The following EVL variants were observed in gnomAD, a reference collection of about 807,000 sequenced individuals.
EVL encodes Enah/Vasp-like, also known as ena/VASP-like protein.
EVL carries 21 observed loss-of-function variants against 59.6 expected under a neutral mutation model. The ratio of observed to expected loss-of-function variants is 0.35; its 90% CI spans 0.25 to 0.51. EVL has a LOEUF of 0.51. Among genes scored for constraint, EVL ranks in the 20% least tolerant of loss-of-function variants. The pLI is 0.97. For missense variants in EVL, 462 were observed against 546.6 expected, an observed-to-expected ratio of 0.85 and a Z score of 1.54; for synonymous variants, 198 against 203.5, an observed-to-expected ratio of 0.97 and a Z score of 0.23.
At chr14:99,976,188 A>ATT (rs1359137983) in intron 1 of EVL, among the ~76,000 whole-genome samples, 2 of 80,484 alleles carry the variant, frequency 2.5e-5, no homozygotes, top group African/African-American at 1.3e-4. Context: ...GCTTTTATTT[A>ATT]TTTATTTATT....
At chr14:100,086,530 C>T (rs576358057) in intron 2 of EVL, among the ~76,000 whole-genome samples, 207 of 152,276 alleles carry the variant, frequency 1.4e-3, no homozygotes, top group Non-Finnish European at 2.4e-3. Flanking sequence ...CCCTCCAGGG[C>T]GTAGTAGGAA....
rs145597758 is a variant in EVL, at chr14:100,086,993, G to C, written c.180+2138G>C. The stretch of plus-strand genomic sequence containing the variant: ...ACTGATTTTCACAGATTTGGTTTTA[G>C]TCCGTGTGGGCTACCACCTTAAAGT... On this transcript the variant is annotated intron_variant, in intron 2 of 13. Transcript: ENST00000392920. 3.2e-3 allele frequency among the ~76,000 whole-genome samples: 489 copies of C among 152,340 alleles called. 5 individuals carry two copies. Among genetic ancestry groups the C allele is most frequent in the Admixed American group, 0.011 (171 of 15,302 alleles).
At chr14:100,059,566 G>A (rs1315229315) in intron 1 of EVL, among the ~76,000 whole-genome samples, 1 of 152,198 alleles carries the variant, frequency 6.6e-6, no homozygotes, top group Non-Finnish European at 1.5e-5. Context: ...CTGCTGTAGG[G>A]CTGAGAGCTG....
rs555604210 is a variant in EVL, at chr14:100,100,163, C to T, written c.358+2505C>T. On this transcript the variant is annotated intron_variant, in intron 3 of 13. Coordinates refer to ENST00000392920, the MANE Select transcript of EVL (RefSeq NM_016337.3). ...GCCGCATTATGAGGAAACAACTTCT[C>T]GTTGTCAGATAGTAAGATCCAGAAC... 3.3e-5 allele frequency among the ~76,000 whole-genome samples: 5 copies of T among 152,216 alleles called. No homozygotes were observed. In the South Asian group the frequency reaches 8.3e-4, roughly 25 times the overall value.
intron 2 of EVL, among the ~76,000 whole-genome samples, chr14:100,093,434 C>T (rs973405477): frequency 2.6e-5 from 4 of 152,196 alleles, no homozygotes; most frequent in East Asian, 1.9e-4. Context: ...AACCCTCTGA[C>T]GTAAAACCCT....
chr14:100,054,281 C>T (rs995183693), intron 1 of EVL, among the ~76,000 whole-genome samples: 2 of 151,974 alleles, frequency 1.3e-5, no homozygotes, highest in African/African-American at 4.8e-5. Context: ...TCTCGATCTT[C>T]TGACCTCATG....
intron 9 of EVL, 131 bp downstream of exon 9, chr14:100,136,099 C>A: frequency 1.9e-6 from 2 of 1,058,296 alleles, no homozygotes; most frequent in Non-Finnish European, 2.8e-6. Flanking sequence ...ACAGGGAAGC[C>A]CATTTCTTAT....
Position 99,988,420 on chromosome 14 carries a change from G to A in EVL, c.5+16363G>A, listed in dbSNP as rs114120984. ...TAATAACAAATGTTGGTGAGGATGA[G>A]GATAACCCTTACACATTGGGAATGT... On this transcript the variant is annotated intron_variant, in intron 1 of 13. Transcript: ENST00000402714. Among the ~76,000 whole-genome samples the A allele has an allele frequency of 1.3e-3, 198 of 152,328 alleles. 2 individuals are homozygous for A. The highest frequency in any genetic ancestry group is 4.4e-3 in the African/African-American group (185 of 41,580).
At chr14:100,039,506 G>T (rs1265028014) in intron 1 of EVL, among the ~76,000 whole-genome samples, 1 of 152,116 alleles carries the variant, frequency 6.6e-6, no homozygotes, top group African/African-American at 2.4e-5. Context: ...CAAAGTGCTG[G>T]GATTACAGGC....
intron 1 of EVL, among the ~76,000 whole-genome samples, chr14:100,045,735 C>T (rs1018594290): frequency 2.0e-5 from 3 of 152,184 alleles, no homozygotes; most frequent in Non-Finnish European, 2.9e-5. Flanking sequence ...CTCTGTCCTG[C>T]CCTGGGCAGA....
At chr14:100,054,901 A>C (rs569929266) in intron 1 of EVL, among the ~76,000 whole-genome samples, 116 of 152,288 alleles carry the variant, frequency 7.6e-4, no homozygotes, top group Middle Eastern at 3.4e-3. Context: ...AGCCTGTGAC[A>C]ACCACTAATC....
intron 1 of EVL, among the ~76,000 whole-genome samples, chr14:99,982,357 G>A (rs74084701): frequency 2.0e-3 from 304 of 152,180 alleles, no homozygotes; most frequent in African/African-American, 6.3e-3. Flanking sequence ...TAATTTATTC[G>A]TAATATATAT....
chr14:100,115,821 G>A lies in EVL; in HGVS notation c.359-7718G>A, dbSNP rs528895115. On this transcript the variant is annotated intron_variant, in intron 3 of 13. Transcript: ENST00000392920. ...GCAAGCAACTAAGCTGTCTAAGCTC[G>A]TGTTAGAATGGGGAGGGTGACAATC... 6.0e-4 allele frequency among the ~76,000 whole-genome samples: 92 copies of A among 152,362 alleles called. 1 individual carries two copies. Among genetic ancestry groups the A allele is most frequent in the Non-Finnish European group, 1.1e-3 (73 of 68,038 alleles).
Position 100,137,580 on chromosome 14 carries a change from G to T in EVL, c.967G>T (p.Ala323Ser). ...TCATCCATGAAATGAACTGACAGAG[G>T]CTGGCCGGAAGCCCTGGGAGCGGAG... ...AASQPPNSSE[A>S]GRKPWERSNS... Residue 323 changes from alanine (A) to serine (S), a missense_variant and splice_region_variant, in exon 10 of 14, where the codon GCT becomes TCT. Ala to Ser is a moderately conservative substitution (Grantham distance 99). Transcript: ENST00000392920. 6.2e-7 allele frequency: 1 copy of T among 1,613,902 alleles called. No homozygotes were observed. The highest frequency in any genetic ancestry group is 8.5e-7 in the Non-Finnish European group (1 of 1,180,024).
intron 11 of EVL, chr14:100,138,326 GT>G (rs1391873473): frequency 1.3e-5 from 2 of 158,462 alleles, no homozygotes. Context: ...CACAGAATCA[GT>G]TTCCCCACAG....
In EVL at chr14:100,123,536, C is replaced by G; in HGVS notation, c.359-3C>G. The G allele has an allele frequency of 6.2e-7, 1 of 1,614,048 alleles. No individual in the cohort carries two copies. Among genetic ancestry groups the G allele is most frequent in the Non-Finnish European group, 8.5e-7 (1 of 1,179,944 alleles). On this transcript the variant is annotated splice_polypyrimidine_tract_variant and splice_region_variant and intron_variant, in intron 3 of 13. Transcript: ENST00000392920. Reference sequence around the variant, plus strand: ...CACTGTTTCTGTGCTTCTCTGCCCACAGGCCCCTCCAGCCAGCGTCAGGTG... The same window carrying G: ...CACTGTTTCTGTGCTTCTCTGCCCAGAGGCCCCTCCAGCCAGCGTCAGGTG...
rs530933762 is a variant in EVL, at chr14:100,116,126, G to A, written c.359-7413G>A. On this transcript the variant is annotated intron_variant, in intron 3 of 13. Transcript: ENST00000392920. ...TCCATTCTCGCTTAGACACTTGCTC[G>A]CTTGGTGATAGGAATGGCACCTGTG... Among the ~76,000 whole-genome samples the A allele has an allele frequency of 4.6e-5, 7 of 152,320 alleles. No individual in the cohort carries two copies. In the East Asian group the frequency reaches 7.7e-4, roughly 17 times the overall value.
intron 1 of EVL, among the ~76,000 whole-genome samples, chr14:99,993,517 T>C (rs148939159): frequency 0.014 from 2,094 of 152,170 alleles, 47 homozygotes; most frequent in African/African-American, 0.047. Flanking sequence ...AGTTTGGGAG[T>C]GTTCCCTCAT....
chr14:100,086,111 G>A (rs1441830618), intron 2 of EVL, among the ~76,000 whole-genome samples: 2 of 152,128 alleles, frequency 1.3e-5, no homozygotes, highest in Non-Finnish European at 2.9e-5. Flanking sequence ...CCTGGGCGAC[G>A]GAGCGAGACT....
Sources: allele counts gnomAD v4.1 joint callset (sites outside exome capture counted in the v4.1 genomes callset), GRCh38; gene constraint gnomAD v4.1.1; transcripts MANE v1.5; gene names NCBI Gene and HGNC (gene_info 2026-07-23, HGNC 2026-07-21).